The following WDR86 variants were observed in gnomAD, a reference collection of about 807,000 sequenced individuals.
The protein encoded by WDR86 is WD repeat domain 86.
In WDR86, 30 loss-of-function variants were observed where a neutral mutation model predicts 36.5. The ratio of observed to expected loss-of-function variants is 0.82; its 90% CI spans 0.61 to 1.11. The LOEUF is 1.11. WDR86 is among the 50% of genes most tolerant of loss of function. The pLI is 0.00. For missense variants in WDR86, 545 were observed against 561.2 expected (o/e 0.97, Z 0.29); for synonymous variants, 255 against 252.9 (o/e 1.01, Z -0.08).
chr7:151,385,275 C>T (rs775450648), intron 3 of WDR86, 52 bp from the exon 4 acceptor site: 1 of 1,601,756 alleles, frequency 6.2e-7, no homozygotes. Context: ...TGAAGCCCCC[C>T]AGACCTCTCC....
At chr7:151,373,844 AGGCACCTCCTTCCTGCCCCACG>A (rs562919407), downstream of WDR86, among the ~76,000 whole-genome samples, 104 of 152,272 alleles carry the variant, frequency 6.8e-4, no homozygotes, top group African/African-American at 2.4e-3. Flanking sequence ...GGGGCTGGCG[AGGCACCTCCTTCCTGCCCCACG>A]GGCATCTCAC....
At position 151,388,651 on chromosome 7, in the gene WDR86, G is replaced by A. The variant is rs1799169523; in HGVS notation, c.727-3428C>T. Reference sequence around the variant, plus strand: ...TGCATGCAGTCCTGTAAAAGGCGAGGGAGGCAGAGGCCCCTCTGGGCACGG... The same window carrying A: ...TGCATGCAGTCCTGTAAAAGGCGAGAGAGGCAGAGGCCCCTCTGGGCACGG... On this transcript the variant is annotated intron_variant, in intron 3 of 5. Transcript: ENST00000334493. This position sits in a 1 kb window ranked among gnomAD's most constrained non-coding sequence, Gnocchi z 4.2. Among the ~76,000 whole-genome samples, 1 of 152,198 alleles carries A rather than the reference G, an allele frequency of 6.6e-6. No individual in the cohort carries two copies.
intron 3 of WDR86, among the ~76,000 whole-genome samples, chr7:151,394,243 T>C (rs1262075413): frequency 6.6e-6 from 1 of 152,134 alleles, no homozygotes; most frequent in Non-Finnish European, 1.5e-5. Context: ...ACATGCCCCA[T>C]CCAGCATCTC....
At position 151,401,066 on chromosome 7, in the gene WDR86, AC is replaced by A. The variant is rs1036846710; in HGVS notation, c.164-826del. Among the ~76,000 whole-genome samples, 2 of 152,022 alleles carry A rather than the reference AC, an allele frequency of 1.3e-5. No individual in the cohort carries two copies. The highest frequency in any genetic ancestry group is 2.9e-5 in the Non-Finnish European group (2 of 67,976). ...AGCACCCAGAACATGCTTCCCAGCA[AC>A]CCCCTTGCCCACCTGCTCATGAATA... On this transcript the variant is annotated intron_variant, in intron 1 of 5. Transcript: ENST00000334493. The surrounding 1 kb of genome is among the most constrained non-coding windows in gnomAD (Gnocchi z 4.3).
chr7:151,374,802 G>A (rs571022556), downstream of WDR86, among the ~76,000 whole-genome samples: 2 of 152,100 alleles, frequency 1.3e-5, no homozygotes, highest in Admixed American at 6.5e-5. Flanking sequence ...GCTGCGCTGC[G>A]TCTCAGCAGC....
intron 1 of WDR86, 35 bp from the exon 2 acceptor site, chr7:151,400,276 T>G: frequency 1.3e-6 from 2 of 1,519,732 alleles, no homozygotes; most frequent in East Asian, 2.5e-5. Context: ...GTGAGCGTAC[T>G]GGGGATGCCA....
the WDR86 span, among the ~76,000 whole-genome samples, chr7:151,370,580 A>G: frequency 6.6e-6 from 1 of 151,800 alleles, no homozygotes; most frequent in South Asian, 2.1e-4. Context: ...TTTAGGGTAC[A>G]TGTGCACAAT....
At chr7:151,391,828 G>A (rs966897065) in intron 3 of WDR86, among the ~76,000 whole-genome samples, 1 of 150,510 alleles carries the variant, frequency 6.6e-6, no homozygotes, top group Non-Finnish European at 1.5e-5. Flanking sequence ...GTACAGGGGT[G>A]CGCCTCCTCC....
chr7:151,401,358 G>A lies in WDR86; in HGVS notation c.164-1117C>T, dbSNP rs1041116369. On this transcript the variant is annotated intron_variant, in intron 1 of 5. Coordinates refer to ENST00000334493, the MANE Select transcript of WDR86 (RefSeq NM_198285.3). The surrounding 1 kb of genome is among the most constrained non-coding windows in gnomAD (Gnocchi z 4.3). ...CAGCAGGAGCAATCCAGGGGCACTC[G>A]CCTGCACCCTAAACCCTCTGTTTCC... 1.7e-4 allele frequency among the ~76,000 whole-genome samples: 26 copies of A among 152,146 alleles called. No homozygotes were observed. The highest frequency in any genetic ancestry group is 4.6e-4 in the Admixed American group (7 of 15,276).
rs1164623750 is a variant in WDR86 at position 151,409,437 on chromosome 7, C to A, written c.153G>T (p.Ala51=). 6.4e-7 allele frequency: 1 copy of A among 1,550,912 alleles called. No homozygotes were observed. Among genetic ancestry groups the A allele is most frequent in the Non-Finnish European group, 8.7e-7 (1 of 1,152,998 alleles). The stretch of plus-strand genomic sequence containing the variant: ...AGTGGGAGGGTCTACCTTGCAGGAG[C>A]GCGCAGCACTGGCCGTCCGCGGTGC... ...LWSTADGQCC[A]LLQGHESYVT... The change falls in exon 1 of 6, where the codon GCG becomes GCT. Residue 51 remains alanine (A), a synonymous_variant. Coordinates refer to ENST00000334493, the MANE Select transcript of WDR86 (RefSeq NM_198285.3). This position sits in a 1 kb window ranked among gnomAD's most constrained non-coding sequence, Gnocchi z 5.2.
chr7:151,403,446 G>T (rs1326775834), intron 1 of WDR86, among the ~76,000 whole-genome samples: 1 of 152,288 alleles, frequency 6.6e-6, no homozygotes, highest in East Asian at 1.9e-4. Context: ...GGTAGACAGG[G>T]ATTTAGAATT....
In WDR86 at chr7:151,385,122, G is replaced by A; in HGVS notation, c.828C>T (p.Arg276=). Residue 276 remains arginine, a synonymous_variant, in exon 4 of 6, where the codon CGC becomes CGT. Transcript: ENST00000334493. Reference sequence around the variant, plus strand: ...CGTGGTACTTGAGGGCGCTCACGTTGCGTCTGTGGGCCGTGAACGTGCGCA... The same window carrying A: ...CGTGGTACTTGAGGGCGCTCACGTTACGTCTGTGGGCCGTGAACGTGCGCA... The part of the protein sequence containing the change: ...ECVRTFTAHR[R]NVSALKYHAG... 6.2e-7 allele frequency: 1 copy of A among 1,611,716 alleles called. No individual in the cohort carries two copies. The highest frequency in any genetic ancestry group is 8.5e-7 in the Non-Finnish European group (1 of 1,179,230).
rs1800974706 is a variant in WDR86 at position 151,409,041 on chromosome 7, G to A, written c.163+386C>T. 2.0e-6 allele frequency: 1 copy of A among 499,678 alleles called. No individual in the cohort carries two copies. The highest frequency in any genetic ancestry group is 4.1e-6 in the Non-Finnish European group (1 of 246,472). 31.0% of individuals were successfully genotyped at this position (499,678 alleles called of 1,614,324 possible). A position where few individuals can be genotyped will look rare whatever the true frequency, so the allele number is the denominator to read the frequency against. On this transcript the variant is annotated intron_variant, in intron 1 of 5. Transcript: ENST00000334493. This position sits in a 1 kb window ranked among gnomAD's most constrained non-coding sequence, Gnocchi z 5.2. Reference sequence around the variant, plus strand: ...AGAAGAGCACAATTGGCCACAAAGAGGCCACAAGGCACCTAGAGACAAGGG... The same window carrying A: ...AGAAGAGCACAATTGGCCACAAAGAAGCCACAAGGCACCTAGAGACAAGGG...
chr7:151,382,045 G>A (rs1798632164), intron 4 of WDR86, 64 bp from the exon 5 acceptor site: 2 of 1,454,730 alleles, frequency 1.4e-6, no homozygotes, highest in African/African-American at 1.4e-5. Context: ...CAGGGATGGG[G>A]CGGCGAGAGC....
At chr7:151,402,612 G>A (rs979045418) in intron 1 of WDR86, among the ~76,000 whole-genome samples, 1 of 152,168 alleles carries the variant, frequency 6.6e-6, no homozygotes, top group Non-Finnish European at 1.5e-5. Context: ...AGGCGTGCAG[G>A]GACTGGCTCC....
rs1441318581 is a variant in WDR86, at chr7:151,398,345, GCA to G, written c.305+1753_305+1754del. ...GTGCATGTGTAAGTTGTGTATGAGT[GCA>G]TATGTATGTTGTGTATGTGTGCACA... On this transcript the variant is annotated intron_variant, in intron 2 of 5. Coordinates refer to ENST00000334493, the MANE Select transcript of WDR86 (RefSeq NM_198285.3). 3.3e-5 allele frequency among the ~76,000 whole-genome samples: 5 copies of G among 152,042 alleles called. No homozygotes were observed. In the East Asian group the frequency reaches 7.7e-4, roughly 23 times the overall value.
At chr7:151,384,201 C>T (rs1188084511) in intron 4 of WDR86, among the ~76,000 whole-genome samples, 3 of 152,180 alleles carry the variant, frequency 2.0e-5, no homozygotes, top group Admixed American at 6.5e-5. Flanking sequence ...GCCAAATGGC[C>T]CGAGAGTGTG....
At chr7:151,384,526 C>A (rs1563044799) in intron 4 of WDR86, among the ~76,000 whole-genome samples, 1 of 152,166 alleles carries the variant, frequency 6.6e-6, no homozygotes, top group African/African-American at 2.4e-5. Flanking sequence ...AATCATGAGG[C>A]TTCTTTAAAG....
intron 4 of WDR86, among the ~76,000 whole-genome samples, 165 bp downstream of exon 4, chr7:151,384,923 A>C (rs984152516): frequency 6.6e-6 from 1 of 152,252 alleles, no homozygotes; most frequent in Non-Finnish European, 1.5e-5. Flanking sequence ...CCTTCTTTGC[A>C]AAACAGCTGG....
Sources: gnomAD v4.1 joint callset for allele counts (sites outside exome capture counted in the v4.1 genomes callset) on GRCh38, gnomAD v4.1.1 for gene constraint, Gnocchi (gnomAD v3.1) non-coding constraint, MANE v1.5 for transcripts, NCBI Gene and HGNC (gene_info 2026-07-23, HGNC 2026-07-21) for gene names.